The following DNMT3A variants were observed in gnomAD, a reference collection of about 807,000 sequenced individuals.
DNMT3A encodes the protein DNA methyltransferase 3 alpha.
Under a neutral mutation model 117.6 loss-of-function variants are expected in DNMT3A, and 267 were observed. The observed-to-expected ratio is 2.27, with a 90% confidence interval of 2.05 to 2.51. DNMT3A has a LOEUF of 2.51. DNMT3A is among the 30% of genes most tolerant of loss of function. The pLI, the probability that DNMT3A is intolerant of heterozygous loss-of-function variation, is 0.00. For missense variants in DNMT3A, 1,029 were observed against 1,260.2 expected (o/e 0.82, Z 2.78); for synonymous variants, 432 against 474.8 (o/e 0.91, Z 1.17).
chr2:25,242,627 C>A (rs188965467), intron 16 of DNMT3A, among the ~76,000 whole-genome samples: 1 of 152,222 alleles, frequency 6.6e-6, no homozygotes, highest in Non-Finnish European at 1.5e-5. Flanking sequence ...TCCGCCTCAC[C>A]CTCTAACCAG....
rs1327946633 is a variant in DNMT3A at position 25,236,934 on chromosome 2, A to C, written c.2478+2T>G. 1.2e-6 allele frequency: 2 copies of C among 1,612,452 alleles called. No individual in the cohort carries two copies. Among genetic ancestry groups the C allele is most frequent in the Non-Finnish European group, 8.5e-7 (1 of 1,179,444 alleles). On this transcript the variant is annotated splice_donor_variant, in intron 21 of 22. Transcript: ENST00000321117. LOFTEE classifies it high-confidence loss of function. This position sits in a 1 kb window ranked among gnomAD's most constrained non-coding sequence, Gnocchi z 4.5. ...GCAGAGGTTCTAGACGCTGGAGCTGACCTTGGCTATCCTGCCATGCTCCAG... is the reference window on the plus strand; with the variant it reads ...GCAGAGGTTCTAGACGCTGGAGCTGCCCTTGGCTATCCTGCCATGCTCCAG...
chr2:25,262,705 G>A (rs545041534), intron 6 of DNMT3A, among the ~76,000 whole-genome samples: 110 of 152,266 alleles, frequency 7.2e-4, no homozygotes, highest in South Asian at 4.6e-3. Flanking sequence ...TAAACTATGT[G>A]TCCAATTCTC....
intron 16 of DNMT3A, among the ~76,000 whole-genome samples, chr2:25,243,105 G>A (rs1435790317): frequency 6.6e-6 from 1 of 152,118 alleles, no homozygotes; most frequent in South Asian, 2.1e-4. Context: ...AAGAGATCGA[G>A]ACCAGCCTGG....
rs79878923 is a variant in DNMT3A at position 25,332,951 on chromosome 2, C to T, written c.-178+8875G>A. Among the ~76,000 whole-genome samples the T allele has an allele frequency of 6.6e-3, 1,007 of 152,390 alleles. 16 individuals are homozygous for T. Among genetic ancestry groups the T allele is most frequent in the African/African-American group, 0.023 (950 of 41,600 alleles). On this transcript the variant is annotated intron_variant, in intron 1 of 22. Transcript: ENST00000321117. ...CCAGAACCCAGCAAAGGCCACTCTC[C>T]GCTTAGCTCCAAAGAGACCAGTGGG...
rs1674602334 is a variant in DNMT3A at position 25,245,240 on chromosome 2, G to A, written c.1554+13C>T. On this transcript the variant is annotated intron_variant, in intron 13 of 22. Transcript: ENST00000321117. ...GCCTCAACGGCACCTCTCCTGGGTGGGTGTGCTCCTACCTTGCAGTTTTGG... is the reference window on the plus strand; with the variant it reads ...GCCTCAACGGCACCTCTCCTGGGTGAGTGTGCTCCTACCTTGCAGTTTTGG... 6.2e-7 allele frequency: 1 copy of A among 1,613,088 alleles called. No homozygotes were observed. The highest frequency in any genetic ancestry group is 1.3e-5 in the African/African-American group (1 of 74,934).
At chr2:25,314,466 C>T in intron 1 of DNMT3A, 3 of 985,402 alleles carry the variant, frequency 3.0e-6, no homozygotes, top group Non-Finnish European at 2.4e-6. Context: ...CAGCCTCTCT[C>T]TCCTTTGAAA....
intron 16 of DNMT3A, among the ~76,000 whole-genome samples, chr2:25,242,302 C>T (rs1159229231): frequency 2.0e-5 from 3 of 152,080 alleles, no homozygotes; most frequent in Admixed American, 6.5e-5. Flanking sequence ...GTGCTTCCCC[C>T]GAGCTAACCA....
Position 25,247,171 on chromosome 2 carries a change from G to T in DNMT3A, c.1015-13C>A. ...TCTCAACACACACCTGGGGGGACAAGCCAGGCCTTGTTTGCCGAGGCTTAC... is the reference window on the plus strand; with the variant it reads ...TCTCAACACACACCTGGGGGGACAATCCAGGCCTTGTTTGCCGAGGCTTAC... On this transcript the variant is annotated splice_polypyrimidine_tract_variant and intron_variant, in intron 8 of 22. Transcript: ENST00000321117. This position sits in a 1 kb window ranked among gnomAD's most constrained non-coding sequence, Gnocchi z 5.6. 6.2e-7 allele frequency: 1 copy of T among 1,612,646 alleles called. No individual in the cohort carries two copies. Among genetic ancestry groups the T allele is most frequent in the Non-Finnish European group, 8.5e-7 (1 of 1,179,138 alleles).
In DNMT3A at chr2:25,254,768, C is replaced by T. The variant is rs578207491; in HGVS notation, c.640-6516G>A. Among the ~76,000 whole-genome samples, 3 of 152,312 alleles carry T rather than the reference C, an allele frequency of 2.0e-5. No individual in the cohort carries two copies. In the South Asian group the frequency reaches 6.2e-4, roughly 32 times the overall value. ...TTCTGGCTTGGTGGCCTTTTGCAGA[C>T]ACTGTCTCATGTACGATACCCGCTC... On this transcript the variant is annotated intron_variant, in intron 6 of 22. Coordinates refer to ENST00000321117, the MANE Select transcript of DNMT3A (RefSeq NM_022552.5). The surrounding 1 kb of genome is among the most constrained non-coding windows in gnomAD (Gnocchi z 4.7).
intron 3 of DNMT3A, among the ~76,000 whole-genome samples, chr2:25,285,717 C>T (rs1167095554): frequency 1.3e-5 from 2 of 152,236 alleles, no homozygotes; most frequent in Admixed American, 6.5e-5. Flanking sequence ...TCCTGTGTGT[C>T]AGGACCCTCC....
rs1000571151 is a variant in DNMT3A at position 25,258,003 on chromosome 2, A to G, written c.640-9751T>C. Among the ~76,000 whole-genome samples the G allele has an allele frequency of 2.6e-5, 4 of 152,342 alleles. No individual in the cohort carries two copies. The East Asian group carries it at 7.7e-4, about 29-fold the overall frequency. On this transcript the variant is annotated intron_variant, in intron 6 of 22. Transcript: ENST00000321117. ...TCAGCTCCCTCGGGGCATGCGTCCC[A>G]GGTGAGCCCTCCTCTGGGCCTTTCC...
At chr2:25,303,533 C>T (rs569537170) in intron 2 of DNMT3A, among the ~76,000 whole-genome samples, 3 of 152,296 alleles carry the variant, frequency 2.0e-5, no homozygotes, top group South Asian at 2.1e-4. Context: ...CCAGAGAGGG[C>T]GGGGAGTGCC....
Position 25,240,654 on chromosome 2 carries a change from C to A in DNMT3A, c.2159G>T (p.Arg720Leu), listed in dbSNP as rs1272076221. 5 of 1,614,076 alleles carry A rather than the reference C, an allele frequency of 3.1e-6. 1 individual carries two copies. Among genetic ancestry groups the A allele is most frequent in the Non-Finnish European group, 4.2e-6 (5 of 1,180,030 alleles). ...ATGGTACCTACCGTAGAGGCCCTTG[C>A]GAGCAGGGTTGACGATGGAGAGGTC... is the stretch of plus-strand genomic sequence containing the variant. Reference protein sequence around the residue: ...CNDLSIVNPARKGLYEGTGRL... With the variant: ...CNDLSIVNPALKGLYEGTGRL... The change falls in exon 18 of 23, where the codon CGC becomes CTC. Residue 720 changes from arginine to leucine, a missense_variant. Arg to Leu is a moderately radical substitution (Grantham distance 102). Transcript: ENST00000321117.
At chr2:25,336,273 A>C (rs917098720) in intron 1 of DNMT3A, among the ~76,000 whole-genome samples, 2 of 152,182 alleles carry the variant, frequency 1.3e-5, no homozygotes, top group Non-Finnish European at 2.9e-5. Flanking sequence ...CAGAGACAGG[A>C]ACCTGACGTC....
Position 25,341,815 on chromosome 2 carries a change from G to A in DNMT3A, c.-178+11C>T. 1 of 980,094 alleles carries A rather than the reference G, an allele frequency of 1.0e-6. No individual in the cohort carries two copies. 60.7% of individuals were successfully genotyped at this position (980,094 alleles called of 1,614,324 possible). A position where few individuals can be genotyped will look rare whatever the true frequency, so the allele number is the denominator to read the frequency against. On this transcript the variant is annotated intron_variant, in intron 1 of 22. Transcript: ENST00000321117. The stretch of plus-strand genomic sequence containing the variant: ...CCGGCCTTCCGGGCCGCCAGCAGCG[G>A]CGCTCATTACCGTATGGCCGGTGGG...
intron 1 of DNMT3A, among the ~76,000 whole-genome samples, chr2:25,338,067 C>G (rs529695109): frequency 1.3e-5 from 2 of 152,282 alleles, no homozygotes; most frequent in South Asian, 4.1e-4. Flanking sequence ...CAGTGGGGCA[C>G]GGGGTGGGGA....
rs201421902 is a variant in DNMT3A at position 25,233,779 on chromosome 2, A to C, written c.*500T>G. On this transcript the variant is annotated 3_prime_UTR_variant, in exon 23 of 23. Coordinates refer to ENST00000321117, the MANE Select transcript of DNMT3A (RefSeq NM_022552.5). ...AGATATATAGTAAAAAAAAAAACCCAAAAAAAAAAAACAAAAAACAAAAAA... is the reference window on the plus strand; with the variant it reads ...AGATATATAGTAAAAAAAAAAACCCCAAAAAAAAAAACAAAAAACAAAAAA... The C allele has an allele frequency of 0.063, 3,092 of 49,286 alleles. 28 individuals are homozygous for C. The highest frequency in any genetic ancestry group is 0.12 in the Non-Finnish European group (1,897 of 16,438). The allele number at this position is 49,286 out of a possible 1,614,324, so 3.1% of individuals were successfully genotyped here.
chr2:25,338,413 G>T (rs769442562), intron 1 of DNMT3A, among the ~76,000 whole-genome samples: 4 of 152,208 alleles, frequency 2.6e-5, no homozygotes, highest in Non-Finnish European at 5.9e-5. Context: ...AGAAGCCTTG[G>T]GGGAGTCTGG....
chr2:25,241,654 C>A lies in DNMT3A; in HGVS notation c.1990G>T (p.Glu664Ter), dbSNP rs1476901854. Residue 664 changes from glutamate (E) to a stop codon, truncating the protein, a stop_gained, in exon 17 of 23, where the codon GAG becomes TAG. Transcript: ENST00000321117. LOFTEE classifies it high-confidence loss of function. Reference protein sequence around the residue: ...GIQVDRYIASEVCEDSITVGM... With the variant: ...GIQVDRYIAS ...ACCGTGATGGAGTCCTCACACACCTCCGAGGCAATGTAGCGGTCCACCTGA... is the reference window on the plus strand; with the variant it reads ...ACCGTGATGGAGTCCTCACACACCTACGAGGCAATGTAGCGGTCCACCTGA... 2 of 1,614,050 alleles carry A rather than the reference C, an allele frequency of 1.2e-6. No individual in the cohort carries two copies. Among genetic ancestry groups the A allele is most frequent in the Non-Finnish European group, 1.7e-6 (2 of 1,180,018 alleles).
Sources: allele counts gnomAD v4.1 joint callset (sites outside exome capture counted in the v4.1 genomes callset), GRCh38; gene constraint gnomAD v4.1.1; non-coding constraint Gnocchi (gnomAD v3.1); transcripts MANE v1.5; gene names NCBI Gene and HGNC (gene_info 2026-07-23, HGNC 2026-07-21).